AGBL1: variants seen among roughly 807,000 people sequenced by gnomAD.
AGBL1 encodes cytosolic carboxypeptidase 4.
Under a neutral mutation model 118.9 loss-of-function variants are expected in AGBL1, and 130 were observed. The ratio of observed to expected loss-of-function variants is 1.09; its 90% CI spans 0.95 to 1.26. AGBL1 has a LOEUF of 1.26. Ranked by LOEUF, AGBL1 falls within the 50% of genes most tolerant of loss-of-function variation. The probability of loss-of-function intolerance (pLI) is 0.00; values close to 1 mark genes in which losing one functional copy is unlikely to be tolerated. For missense variants in AGBL1, 1,584 were observed against 1,298.1 expected, an observed-to-expected ratio of 1.22 and a Z score of -3.38; for synonymous variants, 555 against 478.9, an observed-to-expected ratio of 1.16 and a Z score of -2.08.
chr15:86,569,302 G>A (rs1426434293), intron 21 of AGBL1, among the ~76,000 whole-genome samples: 1 of 151,924 alleles, frequency 6.6e-6, no homozygotes, highest in African/African-American at 2.4e-5. Context: ...ATGGTGGCAC[G>A]TGCTTGTGGT....
rs58756904 is a variant in AGBL1, at chr15:86,874,381, GAC to G, written c.3159-32679_3159-32678del. Among the ~76,000 whole-genome samples the G allele has an allele frequency of 1.5e-3, 219 of 148,866 alleles. 1 individual carries two copies. Among genetic ancestry groups the G allele is most frequent in the African/African-American group, 3.6e-3 (145 of 40,354 alleles). ...CCTGCCCCAAGATTGTTGTGGGTGGGACACACACACACACACACACACACACA... is the reference window on the plus strand; with the variant it reads ...CCTGCCCCAAGATTGTTGTGGGTGGGACACACACACACACACACACACACA... On this transcript the variant is annotated intron_variant, in intron 22 of 22. Transcript: ENST00000614907.
At chr15:86,791,491 G>T (rs1367264460) in intron 22 of AGBL1, among the ~76,000 whole-genome samples, 3 of 152,012 alleles carry the variant, frequency 2.0e-5, no homozygotes, top group African/African-American at 2.4e-5. Context: ...GGCCACAATG[G>T]CCTCAGTCTT....
At position 86,615,824 on chromosome 15, in the gene AGBL1, G is replaced by T. The variant is rs192393786; in HGVS notation, c.2995-58449G>T. Among the ~76,000 whole-genome samples, 1 of 152,224 alleles carries T rather than the reference G, an allele frequency of 6.6e-6. No individual in the cohort carries two copies. Among genetic ancestry groups the T allele is most frequent in the African/African-American group, 2.4e-5 (1 of 41,532 alleles). ...AGTTCTGGAAGCAGATGGAAACTCA[G>T]GGAAAGACTGTTGTAAAATGAAAAA... On this transcript the variant is annotated intron_variant, in intron 21 of 22. Coordinates refer to ENST00000614907, the MANE Select transcript of AGBL1 (RefSeq NM_001386094.1). This position sits in a 1 kb window ranked among gnomAD's most constrained non-coding sequence, Gnocchi z 4.3.
At chr15:86,222,217 T>A (rs187142328) in intron 5 of AGBL1, among the ~76,000 whole-genome samples, 1 of 152,206 alleles carries the variant, frequency 6.6e-6, no homozygotes, top group Non-Finnish European at 1.5e-5. Context: ...TATTCCTAAC[T>A]GTGGTTGCGT....
intron 17 of AGBL1, among the ~76,000 whole-genome samples, chr15:86,376,196 A>G (rs2081039307): frequency 6.6e-6 from 1 of 152,234 alleles, no homozygotes; most frequent in Non-Finnish European, 1.5e-5. Context: ...TGATGTCAGA[A>G]TCAGAGACAA....
chr15:86,866,898 C>G (rs1048487136), intron 22 of AGBL1, among the ~76,000 whole-genome samples: 1 of 152,202 alleles, frequency 6.6e-6, no homozygotes, highest in African/African-American at 2.4e-5. Context: ...GTCAGAAAAG[C>G]TTCCCAGAGA....
At chr15:86,149,927 C>G (rs1766089426) in intron 3 of AGBL1, among the ~76,000 whole-genome samples, 2 of 152,204 alleles carry the variant, frequency 1.3e-5, no homozygotes, top group Non-Finnish European at 2.9e-5. Flanking sequence ...AACAAACTGT[C>G]TCTCAGACCA....
At position 86,910,959 on chromosome 15, in the gene AGBL1, T is replaced by C. The variant is rs975702524; in HGVS notation, c.*3665T>C. The C allele has an allele frequency of 1.3e-5, 2 of 152,204 alleles. No homozygotes were observed. Among genetic ancestry groups the C allele is most frequent in the Non-Finnish European group, 2.9e-5 (2 of 68,060 alleles). 9.4% of individuals were successfully genotyped at this position (152,204 alleles called of 1,614,324 possible). The stretch of plus-strand genomic sequence containing the variant: ...TACTTACTTGAGAGTTAACTCTCAA[T>C]AGTTATAAGAGCCATTCTTCCAGTC... On this transcript the variant is annotated 3_prime_UTR_variant, in exon 23 of 23. Transcript: ENST00000614907.
At chr15:87,023,155 A>T (rs952474054) in intron 24 of AGBL1, among the ~76,000 whole-genome samples, 3 of 152,084 alleles carry the variant, frequency 2.0e-5, no homozygotes, top group African/African-American at 7.2e-5. Flanking sequence ...AAGGTAAATT[A>T]CCTAAATGTT....
chr15:86,653,515 A>G (rs1809025345), intron 21 of AGBL1, among the ~76,000 whole-genome samples: 1 of 152,188 alleles, frequency 6.6e-6, no homozygotes, highest in African/African-American at 2.4e-5. Context: ...AGCAGCGCAC[A>G]ATCTATAGCT....
At chr15:86,487,485 A>G (rs2082728450) in intron 18 of AGBL1, among the ~76,000 whole-genome samples, 1 of 152,082 alleles carries the variant, frequency 6.6e-6, no homozygotes, top group Non-Finnish European at 1.5e-5. Flanking sequence ...TCAATGCATA[A>G]TATGGGTCTC....
rs2083206282 is a variant in AGBL1, at chr15:86,522,791, T to G, written c.2556-19T>G. On this transcript the variant is annotated intron_variant, in intron 18 of 22. Coordinates refer to ENST00000614907, the MANE Select transcript of AGBL1 (RefSeq NM_001386094.1). ...TTCTTCTGAATGTGTATTTATTTGC[T>G]TATTATTTGTTCCTGTAGCCACAGA... 8.1e-6 allele frequency: 13 copies of G among 1,612,638 alleles called. No individual in the cohort carries two copies. The East Asian group carries it at 2.9e-4, about 36-fold the overall frequency.
intron 5 of AGBL1, among the ~76,000 whole-genome samples, chr15:86,212,884 A>G (rs902136763): frequency 1.3e-5 from 2 of 152,182 alleles, no homozygotes; most frequent in African/African-American, 4.8e-5. Context: ...TGTTGACCTC[A>G]GGTGATCCAC....
chr15:86,921,138 A>T (rs1423950722), downstream of AGBL1, among the ~76,000 whole-genome samples: 1 of 152,230 alleles, frequency 6.6e-6, no homozygotes, highest in African/African-American at 2.4e-5. Context: ...TGACCAAAAA[A>T]GTTGGGACAT....
At chr15:86,622,183 A>G (rs2084817228) in intron 21 of AGBL1, among the ~76,000 whole-genome samples, 1 of 152,064 alleles carries the variant, frequency 6.6e-6, no homozygotes, top group Non-Finnish European at 1.5e-5. Context: ...CAAAAAAATT[A>G]GCTAAGCGTG....
chr15:86,880,651 A>ATGTGTGTGGATGTGAG (rs1311126735), intron 22 of AGBL1, among the ~76,000 whole-genome samples: 1 of 151,994 alleles, frequency 6.6e-6, no homozygotes, highest in Non-Finnish European at 1.5e-5. Flanking sequence ...GTGTGTATGC[A>ATGTGTGTGGATGTGAG]TGTGTGTGGA....
intron 17 of AGBL1, among the ~76,000 whole-genome samples, chr15:86,385,022 G>C (rs1280880093): frequency 6.6e-6 from 1 of 152,082 alleles, no homozygotes; most frequent in Non-Finnish European, 1.5e-5. Context: ...AGAGGGTCTA[G>C]GGCTGCATCT....
At chr15:87,028,908 A>T (rs2081760828) in exon 25 of AGBL1, 1 of 1,518,792 alleles carries the variant, frequency 6.6e-7, no homozygotes, top group South Asian at 1.1e-5. Context: ...TGGATCTGTG[A>T]GGAAATATCT....
chr15:86,994,264 T>G (rs1357603021), intron 24 of AGBL1, among the ~76,000 whole-genome samples: 1 of 152,064 alleles, frequency 6.6e-6, no homozygotes, highest in Non-Finnish European at 1.5e-5. Context: ...GATTTTCACT[T>G]GAACAACTTT....
Sources: gnomAD v4.1 joint callset for allele counts (sites outside exome capture counted in the v4.1 genomes callset) on GRCh38, gnomAD v4.1.1 for gene constraint, Gnocchi (gnomAD v3.1) non-coding constraint, MANE v1.5 for transcripts, NCBI Gene and HGNC (gene_info 2026-07-23, HGNC 2026-07-21) for gene names.